DICER1: variants seen among roughly 807,000 people sequenced by gnomAD.
The protein encoded by DICER1 is endoribonuclease Dicer.
In DICER1, 43 loss-of-function variants were observed where a neutral mutation model predicts 194.1. That is an observed-to-expected ratio of 0.22 (90% confidence interval 0.17 to 0.29). The LOEUF (loss-of-function observed/expected upper bound fraction) is 0.29, where lower values mean the gene tolerates loss of function less well. Among genes scored for constraint, DICER1 ranks in the 10% least tolerant of loss-of-function variants. The pLI is 1.00. For synonymous variants in DICER1, 832 were observed against 820.5 expected, an observed-to-expected ratio of 1.01 and a Z score of -0.24; for missense variants, 1,608 against 2,317.0, an observed-to-expected ratio of 0.69 and a Z score of 6.28.
At chr14:95,138,630 G>A (rs1484715738) in intron 1 of DICER1, among the ~76,000 whole-genome samples, 1 of 151,982 alleles carries the variant, frequency 6.6e-6, no homozygotes, top group African/African-American at 2.4e-5. Context: ...GAAAAGTACT[G>A]CCCCCACTCA....
chr14:95,112,502 G>T (rs541689956), intron 12 of DICER1, among the ~76,000 whole-genome samples: 260 of 152,210 alleles, frequency 1.7e-3, no homozygotes, highest in Non-Finnish European at 2.9e-3. Flanking sequence ...TTAAATTTCA[G>T]TAAGATTTTA....
intron 4 of DICER1, 140 bp downstream of exon 4, chr14:95,131,369 C>T (rs1265739442): frequency 6.3e-6 from 5 of 788,426 alleles, no homozygotes; most frequent in Admixed American, 2.1e-5. Context: ...TATAGTACAT[C>T]AGGACTAGCT....
At chr14:95,137,773 C>T (rs1398275045) in intron 1 of DICER1, 1 of 152,550 alleles carries the variant, frequency 6.6e-6, no homozygotes, top group Non-Finnish European at 1.5e-5. Flanking sequence ...TGAAAATGTT[C>T]TCCTTATTTG....
chr14:95,089,811 C>T lies in DICER1; in HGVS notation c.*687G>A. 4.3e-6 allele frequency: 1 copy of T among 232,230 alleles called. No homozygotes were observed. The highest frequency in any genetic ancestry group is 8.5e-6 in the Non-Finnish European group (1 of 117,224). 14.4% of individuals were successfully genotyped at this position (232,230 alleles called of 1,614,324 possible). ...TTCCAAAAAGATCAGAGATTAAAGA[C>T]TATCCATGAAGGTTTCACTTTTAAG... On this transcript the variant is annotated 3_prime_UTR_variant, in exon 27 of 27. Coordinates refer to ENST00000343455, the MANE Select transcript of DICER1 (RefSeq NM_177438.3).
intron 11 of DICER1, 79 bp from the exon 12 acceptor site, chr14:95,113,303 C>G: frequency 2.2e-6 from 3 of 1,370,966 alleles, no homozygotes. Context: ...TTTGATTTGT[C>G]ATGTGCCTCT....
chr14:95,144,656 T>A (rs1268861370), intron 1 of DICER1, among the ~76,000 whole-genome samples: 1 of 152,148 alleles, frequency 6.6e-6, no homozygotes, highest in Non-Finnish European at 1.5e-5. Context: ...AGAAAATGCA[T>A]TCTCATATAA....
chr14:95,110,383 C>A (rs766893150), intron 14 of DICER1, among the ~76,000 whole-genome samples: 1 of 152,218 alleles, frequency 6.6e-6, no homozygotes, highest in Non-Finnish European at 1.5e-5. Context: ...CATCCCCATG[C>A]TCACTCACAG....
chr14:95,152,957 C>A (rs1466467625), intron 1 of DICER1, among the ~76,000 whole-genome samples: 2 of 152,010 alleles, frequency 1.3e-5, no homozygotes, highest in African/African-American at 2.4e-5. Context: ...TGGCTCACAC[C>A]TGTAATCCCA....
intron 1 of DICER1, among the ~76,000 whole-genome samples, chr14:95,135,134 G>A (rs1027531379): frequency 5.3e-5 from 8 of 152,098 alleles, no homozygotes; most frequent in African/African-American, 9.7e-5. Context: ...TAAGATCTGC[G>A]GGTCCCATCA....
At chr14:95,137,195 G>A (rs1334681834) in intron 1 of DICER1, among the ~76,000 whole-genome samples, 2 of 150,172 alleles carry the variant, frequency 1.3e-5, no homozygotes, top group African/African-American at 2.5e-5. Flanking sequence ...GAAGGAAAAG[G>A]GGAAGGGGAA....
chr14:95,090,798 A>T, intron 26 of DICER1, 135 bp from the exon 27 acceptor site: 1 of 1,139,190 alleles, frequency 8.8e-7, no homozygotes, highest in Non-Finnish European at 1.3e-6. Context: ...ACGCGTTACG[A>T]CTTACTGCAA....
At chr14:95,113,246 G>A (rs201015736) in intron 11 of DICER1, 22 bp from the exon 12 acceptor site, 1 of 1,611,190 alleles carries the variant, frequency 6.2e-7, no homozygotes, top group Non-Finnish European at 8.5e-7. Context: ...AAGAAATTCT[G>A]AGGCTGAATC....
In DICER1 at chr14:95,150,876, A is replaced by G. The variant is rs921278311; in HGVS notation, c.-46+6354T>C. Reference sequence around the variant, plus strand: ...ACTTGAATCTATTTTTGCCGGGGGAAAGAGGGGAACAGAGTCTCGCTCTGT... The same window carrying G: ...ACTTGAATCTATTTTTGCCGGGGGAGAGAGGGGAACAGAGTCTCGCTCTGT... On this transcript the variant is annotated intron_variant, in intron 1 of 26. Transcript: ENST00000343455. Among the ~76,000 whole-genome samples the G allele has an allele frequency of 2.0e-5, 3 of 152,148 alleles. No individual in the cohort carries two copies. The East Asian group carries it at 5.8e-4, about 29-fold the overall frequency.
intron 3 of DICER1, 122 bp downstream of exon 3, chr14:95,132,393 A>G (rs1894022883): frequency 9.4e-7 from 1 of 1,058,506 alleles, no homozygotes; most frequent in Middle Eastern, 2.2e-4. Flanking sequence ...AAGAGATTAA[A>G]TGAGTACATT....
chr14:95,133,222 G>A, intron 2 of DICER1, 93 bp downstream of exon 2: 1 of 1,347,018 alleles, frequency 7.4e-7, no homozygotes, highest in Non-Finnish European at 1.1e-6. Context: ...AGGCCTGAAA[G>A]GGTAAATGAG....
intron 9 of DICER1, among the ~76,000 whole-genome samples, chr14:95,116,900 G>A (rs541041107): frequency 4.7e-4 from 71 of 152,288 alleles, no homozygotes; most frequent in African/African-American, 1.6e-3. Context: ...CTGATTTAAT[G>A]AGACTCTCCA....
rs138980290 is a variant in DICER1, at chr14:95,088,670, A to G, written c.*1828T>C. The stretch of plus-strand genomic sequence containing the variant: ...AAACTCGTTTAATAATTTAGATCTC[A>G]ATTTAAGTTTAAGATTGGAGACAAC... On this transcript the variant is annotated 3_prime_UTR_variant, in exon 27 of 27. Transcript: ENST00000343455. The G allele has an allele frequency of 4.8e-4, 111 of 232,694 alleles. No homozygotes were observed. Among genetic ancestry groups the G allele is most frequent in the African/African-American group, 2.4e-3 (107 of 45,406 alleles). The allele number at this position is 232,694 out of a possible 1,614,324, so 14.4% of individuals were successfully genotyped here.
intron 15 of DICER1, 58 bp from the exon 16 acceptor site, chr14:95,108,151 C>G: frequency 7.1e-7 from 1 of 1,399,178 alleles, no homozygotes; most frequent in Non-Finnish European, 1.0e-6. Flanking sequence ...TATTCCATTA[C>G]AGTTAACTTC....
In DICER1 at chr14:95,133,372, T is replaced by C. The variant is rs1555376553; in HGVS notation, c.87A>G (p.Gly29=). The C allele has an allele frequency of 1.2e-6, 2 of 1,614,112 alleles. No homozygotes were observed. The highest frequency in any genetic ancestry group is 8.5e-7 in the Non-Finnish European group (1 of 1,179,998). Reference sequence around the variant, plus strand: ...GAATTGCTTCTTGTTGCCATGGCAGTCCAAAGAAAGGACCCATTGGTGAGG... The same window carrying C: ...GAATTGCTTCTTGTTGCCATGGCAGCCCAAAGAAAGGACCCATTGGTGAGG... ...PASSPMGPFF[G]LPWQQEAIHD... is the part of the protein sequence containing the mutation. The change falls in exon 2 of 27, where the codon GGA becomes GGG. Residue 29 remains glycine, a synonymous_variant. Transcript: ENST00000343455.
Sources: gnomAD v4.1 joint callset for allele counts (sites outside exome capture counted in the v4.1 genomes callset) on GRCh38, gnomAD v4.1.1 for gene constraint, MANE v1.5 for transcripts, NCBI Gene and HGNC (gene_info 2026-07-23, HGNC 2026-07-21) for gene names.